The following FBH1 variants were observed in gnomAD, a reference collection of about 807,000 sequenced individuals.
FBH1 encodes the protein F-box DNA helicase 1, also known as DNA 3'-5' helicase 1.
A neutral mutation model predicts 115.5 loss-of-function variants in FBH1; 43 were observed. The ratio of observed to expected loss-of-function variants is 0.37; its 90% CI spans 0.29 to 0.48. The LOEUF (loss-of-function observed/expected upper bound fraction) is 0.48, where lower values mean the gene tolerates loss of function less well. FBH1 is among the 20% of genes least tolerant of loss of function. The pLI is 0.99. For missense variants in FBH1, 1,001 were observed against 1,337.3 expected (o/e 0.75, Z 3.92); for synonymous variants, 524 against 507.8 (o/e 1.03, Z -0.43).
At position 5,926,212 on chromosome 10, in the gene FBH1, C is replaced by G. The variant is rs193081929; in HGVS notation, c.2722+720C>G. On this transcript the variant is annotated intron_variant, in intron 18 of 20. Coordinates refer to ENST00000362091, the MANE Select transcript of FBH1 (RefSeq NM_178150.3). Reference sequence around the variant, plus strand: ...CTCGGCTCACTGCAATCTCCACCTCCCGGGTTCAAGTGATTCTCCTGCCTC... The same window carrying G: ...CTCGGCTCACTGCAATCTCCACCTCGCGGGTTCAAGTGATTCTCCTGCCTC... Among the ~76,000 whole-genome samples the G allele has an allele frequency of 2.5e-4, 38 of 152,290 alleles. No individual in the cohort carries two copies. The East Asian group carries it at 6.4e-3, about 26-fold the overall frequency.
chr10:5,917,349 A>G lies in FBH1; in HGVS notation c.1789-71A>G, dbSNP rs1269736726. On this transcript the variant is annotated intron_variant, in intron 10 of 20. Coordinates refer to ENST00000362091, the MANE Select transcript of FBH1 (RefSeq NM_178150.3). This position sits in a 1 kb window ranked among gnomAD's most constrained non-coding sequence, Gnocchi z 5.6. ...TGGCTCCACTGCTGTATGGGAGTTG[A>G]CAGTGTGACCGCAGGGTGCTGCCTT... 40 of 1,285,796 alleles carry G rather than the reference A, an allele frequency of 3.1e-5. No individual in the cohort carries two copies. Among genetic ancestry groups the G allele is most frequent in the Non-Finnish European group, 7.8e-6 (7 of 892,602 alleles). The allele number at this position is 1,285,796 out of a possible 1,614,324, so 79.6% of individuals were successfully genotyped here.
intron 1 of FBH1, among the ~76,000 whole-genome samples, chr10:5,898,775 A>G (rs61832958): frequency 0.12 from 17,535 of 152,162 alleles, 1,204 homozygotes; most frequent in African/African-American, 0.2. Context: ...TTTCAGGGAC[A>G]TGAACGTTGA....
chr10:5,895,300 G>GT lies in FBH1; in HGVS notation c.1+4957dup. On this transcript the variant is annotated intron_variant, in intron 1 of 20. Transcript: ENST00000362091. The surrounding 1 kb of genome is among the most constrained non-coding windows in gnomAD (Gnocchi z 5.0). ...TAAAGTTGGGTATGGTATTGTAGCA[G>GT]TTTCTCCAGTCAGGTACCTTGTACT... is the stretch of plus-strand genomic sequence containing the variant. 5 of 1,171,188 alleles carry GT rather than the reference G, an allele frequency of 4.3e-6. No individual in the cohort carries two copies. The highest frequency in any genetic ancestry group is 5.8e-6 in the Non-Finnish European group (5 of 866,204). 72.5% of individuals were successfully genotyped at this position (1,171,188 alleles called of 1,614,324 possible).
rs1412457169 is a variant in FBH1, at chr10:5,931,431, A to G, written c.2829+3890A>G. ...GCTTTGGCCCTTCACACGTTCAGCC[A>G]TCATAAATTGTGTTCCATAATCTAA... is the stretch of plus-strand genomic sequence containing the variant. On this transcript the variant is annotated intron_variant, in intron 19 of 20. Transcript: ENST00000362091. This position sits in a 1 kb window ranked among gnomAD's most constrained non-coding sequence, Gnocchi z 4.3. Among the ~76,000 whole-genome samples, 1 of 152,242 alleles carries G rather than the reference A, an allele frequency of 6.6e-6. No homozygotes were observed. The highest frequency in any genetic ancestry group is 1.5e-5 in the Non-Finnish European group (1 of 68,048).
At chr10:5,899,374 G>T (rs1423973904) in intron 1 of FBH1, among the ~76,000 whole-genome samples, 1 of 151,920 alleles carries the variant, frequency 6.6e-6, no homozygotes, top group Admixed American at 6.6e-5. Context: ...TTCTTCTCCA[G>T]GCCATTGTGG....
In FBH1 at chr10:5,927,511, A is replaced by G; in HGVS notation, c.2799A>G (p.Lys933=). The part of the protein sequence containing the change: ...TRAKKRLIMT[K]SLENILTLAG... ...CCAAGAAGCGTCTCATCATGACCAA[A>G]TCATTGGAAAACATTTTGACTTTGG... The change falls in exon 19 of 21, where the codon AAA becomes AAG. Residue 933 remains lysine (K), a synonymous_variant. Coordinates refer to ENST00000362091, the MANE Select transcript of FBH1 (RefSeq NM_178150.3). The G allele has an allele frequency of 6.2e-7, 1 of 1,613,272 alleles. No homozygotes were observed. The highest frequency in any genetic ancestry group is 8.5e-7 in the Non-Finnish European group (1 of 1,179,826).
At chr10:5,927,597 G>C in intron 19 of FBH1, 56 bp downstream of exon 19, 1 of 1,398,012 alleles carries the variant, frequency 7.2e-7, no homozygotes. Context: ...TATTTAGTCT[G>C]CTTGAGGGGC....
At chr10:5,908,598 T>C (rs972070115) in intron 3 of FBH1, among the ~76,000 whole-genome samples, 5 of 151,904 alleles carry the variant, frequency 3.3e-5, no homozygotes, top group African/African-American at 9.7e-5. Context: ...AATCTGCTTT[T>C]TTTCTTTCTT....
At chr10:5,892,156 G>A (rs1051289763) in intron 1 of FBH1, among the ~76,000 whole-genome samples, 7 of 152,184 alleles carry the variant, frequency 4.6e-5, no homozygotes, top group African/African-American at 1.7e-4. Flanking sequence ...GCTGTTTTCC[G>A]GTTGGGCTGC....
chr10:5,923,175 G>A lies in FBH1; in HGVS notation c.2323-446G>A, dbSNP rs1267288568. ...TGGGATTACAGGCATGAGCCACTGC[G>A]CCTGGCCTGTAGTTCTTTTCTCACA... On this transcript the variant is annotated intron_variant, in intron 15 of 20. Coordinates refer to ENST00000362091, the MANE Select transcript of FBH1 (RefSeq NM_178150.3). This position sits in a 1 kb window ranked among gnomAD's most constrained non-coding sequence, Gnocchi z 5.7. 2.0e-5 allele frequency among the ~76,000 whole-genome samples: 3 copies of A among 152,170 alleles called. No homozygotes were observed. The highest frequency in any genetic ancestry group is 2.9e-5 in the Non-Finnish European group (2 of 68,028).
chr10:5,895,215 G>C lies in FBH1; in HGVS notation c.1+4869G>C, dbSNP rs1842942213. On this transcript the variant is annotated intron_variant, in intron 1 of 20. Coordinates refer to ENST00000362091, the MANE Select transcript of FBH1 (RefSeq NM_178150.3). The surrounding 1 kb of genome is among the most constrained non-coding windows in gnomAD (Gnocchi z 5.0). The stretch of plus-strand genomic sequence containing the variant: ...AAGAGGCATGTGGGAAACTGACCAG[G>C]GCGGTTAGCTGACTCCAAAATTGTC... 1 of 1,597,674 alleles carries C rather than the reference G, an allele frequency of 6.3e-7. No homozygotes were observed.
intron 2 of FBH1, 53 bp downstream of exon 2, chr10:5,903,228 T>C: frequency 7.2e-7 from 1 of 1,397,630 alleles, no homozygotes. Flanking sequence ...TGTGGGTCCT[T>C]TGACTATCTC....
At position 5,924,209 on chromosome 10, in the gene FBH1, AAGACCATCTGCTCT is replaced by A; in HGVS notation, c.2399-101_2399-88del. The A allele has an allele frequency of 8.5e-7, 1 of 1,174,654 alleles. No homozygotes were observed. Among genetic ancestry groups the A allele is most frequent in the Non-Finnish European group, 1.2e-6 (1 of 815,632 alleles). The allele number at this position is 1,174,654 out of a possible 1,614,324, so 72.8% of individuals were successfully genotyped here. On this transcript the variant is annotated intron_variant, in intron 16 of 20. Transcript: ENST00000362091. The surrounding 1 kb of genome is among the most constrained non-coding windows in gnomAD (Gnocchi z 6.2). ...CCTGGAACCCGGGTCTCCCCACTTT[AAGACCATCTGCTCT>A]TGCGCAGCTGCTTAGGAACGTGCAG...
chr10:5,915,618 C>T lies in FBH1; in HGVS notation c.1565+47C>T, dbSNP rs376742325. ...GGCACTGTTGCTGCTGGCACGGTCG[C>T]GTCTTACTGTTTTCCCGTGACGATC... On this transcript the variant is annotated intron_variant, in intron 9 of 20. Coordinates refer to ENST00000362091, the MANE Select transcript of FBH1 (RefSeq NM_178150.3). The surrounding 1 kb of genome is among the most constrained non-coding windows in gnomAD (Gnocchi z 5.2). 148 of 1,575,414 alleles carry T rather than the reference C, an allele frequency of 9.4e-5. 4 individuals are homozygous for T. Among genetic ancestry groups the T allele is most frequent in the East Asian group, 4.9e-4 (22 of 44,634 alleles).
chr10:5,910,712 TAAAG>T lies in FBH1; in HGVS notation c.1021-222_1021-219del, dbSNP rs1831527831. Among the ~76,000 whole-genome samples the T allele has an allele frequency of 6.6e-6, 1 of 152,196 alleles. No individual in the cohort carries two copies. The highest frequency in any genetic ancestry group is 1.5e-5 in the Non-Finnish European group (1 of 68,044). On this transcript the variant is annotated intron_variant, in intron 5 of 20. Coordinates refer to ENST00000362091, the MANE Select transcript of FBH1 (RefSeq NM_178150.3). The surrounding 1 kb of genome is among the most constrained non-coding windows in gnomAD (Gnocchi z 4.8). ...AGATACTTCATCCGTGTTATTTAATTAAAGAAAACTAAGATCTCAAATCCAAAAG... is the reference window on the plus strand; with the variant it reads ...AGATACTTCATCCGTGTTATTTAATTAAAACTAAGATCTCAAATCCAAAAG...
chr10:5,929,006 C>T (rs1234909538), intron 19 of FBH1, among the ~76,000 whole-genome samples: 2 of 152,184 alleles, frequency 1.3e-5, no homozygotes, highest in African/African-American at 4.8e-5. Flanking sequence ...AGGGTGCAGG[C>T]AGGGTGGGCG....
rs181651467 is a variant in FBH1, at chr10:5,936,973, A to T, written c.2962-137A>T. On this transcript the variant is annotated intron_variant, in intron 20 of 20. Coordinates refer to ENST00000362091, the MANE Select transcript of FBH1 (RefSeq NM_178150.3). The surrounding 1 kb of genome is among the most constrained non-coding windows in gnomAD (Gnocchi z 5.6). ...TGCTGTGGGAGGTGTTACTCTGAGGATGTGCACCCCTCTGAAAACATCAGA... is the reference window on the plus strand; with the variant it reads ...TGCTGTGGGAGGTGTTACTCTGAGGTTGTGCACCCCTCTGAAAACATCAGA... 2.0e-3 allele frequency: 1,966 copies of T among 960,102 alleles called. 4 individuals carry two copies. Among genetic ancestry groups the T allele is most frequent in the Non-Finnish European group, 2.8e-3 (1,817 of 658,412 alleles). 59.5% of individuals were successfully genotyped at this position (960,102 alleles called of 1,614,324 possible).
chr10:5,896,627 T>A (rs763594369), intron 1 of FBH1, among the ~76,000 whole-genome samples: 5 of 152,166 alleles, frequency 3.3e-5, no homozygotes, highest in Non-Finnish European at 7.3e-5. Context: ...GGAGCACAGA[T>A]GCCGAATTTG....
rs1186771868 is a variant in FBH1 at position 5,906,610 on chromosome 10, G to A, written c.731G>A (p.Arg244Lys). 1.2e-6 allele frequency: 2 copies of A among 1,609,788 alleles called. No homozygotes were observed. The highest frequency in any genetic ancestry group is 1.1e-5 in the South Asian group (1 of 91,016). The change falls in exon 3 of 21, where the codon AGG (arginine) becomes AAG (lysine). Residue 244 changes from arginine (R) to lysine (K), a missense_variant. Physicochemically the swap from Arg to Lys is conservative, Grantham distance 26 (BLOSUM62 2). This residue lies in a region of FBH1 where 420 missense variants were observed against 430.4 expected (regional missense o/e 0.98). Coordinates refer to ENST00000362091, the MANE Select transcript of FBH1 (RefSeq NM_178150.3). This position sits in a 1 kb window ranked among gnomAD's most constrained non-coding sequence, Gnocchi z 7.3. ...WNLSLVCHLW[R>K]EIISDPLFIP... Reference sequence around the variant, plus strand: ...CTGAGCTTGGTGTGCCACTTGTGGAGGGAGATCATCAGTGACCCGCTGGTG... The same window carrying A: ...CTGAGCTTGGTGTGCCACTTGTGGAAGGAGATCATCAGTGACCCGCTGGTG...
Sources: allele counts gnomAD v4.1 joint callset (sites outside exome capture counted in the v4.1 genomes callset), GRCh38; gene constraint gnomAD v4.1.1; regional missense constraint gnomAD v4.1.1; non-coding constraint Gnocchi (gnomAD v3.1); transcripts MANE v1.5; gene names NCBI Gene and HGNC (gene_info 2026-07-23, HGNC 2026-07-21).